Variants in XAF1 observed in about 807,000 individuals in gnomAD.
The protein encoded by XAF1 is XIAP associated factor 1, also known as XIAP-associated factor 1.
XAF1 carries 32 observed loss-of-function variants against 32.3 expected under a neutral mutation model. The observed-to-expected ratio is 0.99, with a 90% CI of 0.75 to 1.33. XAF1 has a LOEUF of 1.33. Among genes scored for constraint, XAF1 ranks in the 40% most tolerant of loss-of-function variants. XAF1 has a pLI of 0.00. For synonymous variants in XAF1, 120 were observed against 125.9 expected, an observed-to-expected ratio of 0.95 and a Z score of 0.31; for missense variants, 379 against 366.0, an observed-to-expected ratio of 1.04 and a Z score of -0.29.
At chr17:6,755,780 G>T, upstream of XAF1, 1 of 1,202,604 alleles carries the variant, frequency 8.3e-7, no homozygotes, top group East Asian at 4.0e-5. Flanking sequence ...CAGGGTGAGG[G>T]AACAAGCTGC....
chr17:6,768,821 T>C (rs1157548441), intron 5 of XAF1, among the ~76,000 whole-genome samples: 1 of 152,216 alleles, frequency 6.6e-6, no homozygotes, highest in African/African-American at 2.4e-5. Context: ...TTTTTATTCA[T>C]TCTGTTCAGA....
intron 5 of XAF1, among the ~76,000 whole-genome samples, chr17:6,768,579 T>A (rs1299392382): frequency 9.2e-5 from 14 of 152,176 alleles, no homozygotes; most frequent in Non-Finnish European, 1.5e-5. Flanking sequence ...GAAAATAAGC[T>A]TTTTGTTTTT....
intron 4 of XAF1, among the ~76,000 whole-genome samples, chr17:6,760,823 C>T (rs1413423715): frequency 2.6e-5 from 4 of 152,210 alleles, no homozygotes; most frequent in South Asian, 2.1e-4. Context: ...ACTAGGAGGC[C>T]GGGGCTAGAG....
At position 6,758,087 on chromosome 17, in the gene XAF1, A is replaced by G; in HGVS notation, c.33-2A>G. On this transcript the variant is annotated splice_acceptor_variant, in intron 1 of 6. Transcript: ENST00000361842. LOFTEE classifies it high-confidence loss of function. ...TTCTATCCCCACACCTTGACCCTGT[A>G]GTAAAAGACATGTAGTCTCTGCCAA... is the stretch of plus-strand genomic sequence containing the variant. The G allele has an allele frequency of 6.2e-7, 1 of 1,614,254 alleles. No homozygotes were observed. Among genetic ancestry groups the G allele is most frequent in the Admixed American group, 1.7e-5 (1 of 60,032 alleles).
chr17:6,771,874 C>G (rs376353997), intron 6 of XAF1: 4 of 152,164 alleles, frequency 2.6e-5, no homozygotes, highest in Non-Finnish European at 5.9e-5. Context: ...TTTGGACAGT[C>G]TTATGGGCAT....
chr17:6,763,912 G>A (rs8068836), intron 5 of XAF1, among the ~76,000 whole-genome samples: 28 of 152,130 alleles, frequency 1.8e-4, no homozygotes, highest in African/African-American at 6.0e-4. Context: ...ATGTTTATTC[G>A]ATCCTATAAG....
At chr17:6,765,674 T>G (rs952470716) in intron 5 of XAF1, among the ~76,000 whole-genome samples, 2 of 152,182 alleles carry the variant, frequency 1.3e-5, no homozygotes, top group Non-Finnish European at 2.9e-5. Context: ...AATCTCAGGT[T>G]CACTCTCGAC....
rs1485127465 is a variant in XAF1, at chr17:6,775,336, TA to T, written c.*2168del. On this transcript the variant is annotated 3_prime_UTR_variant, in exon 7 of 7. Transcript: ENST00000361842. Reference sequence around the variant, plus strand: ...ACTACCTATCTGGTACTATGCTTTTTATCTGGATGATGAAATAATCTGTACA... The same window carrying T: ...ACTACCTATCTGGTACTATGCTTTTTTCTGGATGATGAAATAATCTGTACA... The T allele has an allele frequency of 5.9e-5, 9 of 152,180 alleles. No homozygotes were observed. The highest frequency in any genetic ancestry group is 2.2e-4 in the African/African-American group (9 of 41,454). The allele number at this position is 152,180 out of a possible 1,614,324, so 9.4% of individuals were successfully genotyped here.
chr17:6,761,960 A>T (rs1975238444), intron 4 of XAF1, 195 bp from the exon 5 acceptor site: 7 of 1,527,416 alleles, frequency 4.6e-6, no homozygotes, highest in Non-Finnish European at 6.1e-6. Flanking sequence ...GTGGCCATAA[A>T]GGAAATGATG....
intron 5 of XAF1, among the ~76,000 whole-genome samples, chr17:6,764,507 A>G (rs911890944): frequency 1.3e-5 from 2 of 152,212 alleles, no homozygotes; most frequent in Non-Finnish European, 2.9e-5. Context: ...ATTTCTTACA[A>G]TAACTTTTTA....
chr17:6,762,146 C>T lies in XAF1; in HGVS notation c.422-9C>T, dbSNP rs1975259483. 1.2e-6 allele frequency: 2 copies of T among 1,612,442 alleles called. No homozygotes were observed. Among genetic ancestry groups the T allele is most frequent in the Non-Finnish European group, 1.7e-6 (2 of 1,179,184 alleles). Reference sequence around the variant, plus strand: ...AATCATTTGTGGTGTTGTTTCTCTGCTTATTCAGGGGAAAGAATTTCAGCT... The same window carrying T: ...AATCATTTGTGGTGTTGTTTCTCTGTTTATTCAGGGGAAAGAATTTCAGCT... On this transcript the variant is annotated splice_polypyrimidine_tract_variant and intron_variant, in intron 4 of 6. Transcript: ENST00000361842.
intron 1 of XAF1, among the ~76,000 whole-genome samples, chr17:6,756,692 C>T (rs975971758): frequency 2.6e-5 from 4 of 152,126 alleles, no homozygotes; most frequent in African/African-American, 9.7e-5. Context: ...CCAGACCCTT[C>T]AAGTACTCTG....
intron 1 of XAF1, among the ~76,000 whole-genome samples, chr17:6,756,789 C>T (rs1168984386): frequency 6.6e-6 from 1 of 152,102 alleles, no homozygotes. Flanking sequence ...GATGATGCTG[C>T]CTGTGTGCCC....
chr17:6,758,371 C>T, intron 2 of XAF1, 147 bp downstream of exon 2: 1 of 1,182,574 alleles, frequency 8.5e-7, no homozygotes. Context: ...GGCAAGTGTT[C>T]AGTCCTCTCT....
chr17:6,765,650 G>C (rs1975563293), intron 5 of XAF1, among the ~76,000 whole-genome samples: 1 of 152,120 alleles, frequency 6.6e-6, no homozygotes, highest in African/African-American at 2.4e-5. Context: ...TATCTTTCCA[G>C]TTGTTCAGGC....
chr17:6,759,842 C>T (rs757435302), intron 3 of XAF1, 124 bp downstream of exon 3: 1 of 1,538,720 alleles, frequency 6.5e-7, no homozygotes, highest in South Asian at 1.2e-5. Flanking sequence ...CCCCATTAGG[C>T]TTGGAGAGCA....
chr17:6,759,930 G>A (rs1308703284), intron 3 of XAF1: 4 of 779,386 alleles, frequency 5.1e-6, no homozygotes, highest in Non-Finnish European at 8.0e-6. Flanking sequence ...CATGGTCCAT[G>A]AGTCCATCAG....
intron 6 of XAF1, among the ~76,000 whole-genome samples, chr17:6,772,335 A>G (rs1281227198): frequency 1.3e-5 from 2 of 152,182 alleles, no homozygotes; most frequent in Non-Finnish European, 2.9e-5. Flanking sequence ...TGCTAAAATT[A>G]AAATTTAACC....
Position 6,762,284 on chromosome 17 carries a change from C to T in XAF1, c.507+44C>T, listed in dbSNP as rs764687966. 5 of 1,506,684 alleles carry T rather than the reference C, an allele frequency of 3.3e-6. No individual in the cohort carries two copies. In the East Asian group the frequency reaches 1.1e-4, roughly 34 times the overall value. 93.3% of individuals were successfully genotyped at this position (1,506,684 alleles called of 1,614,324 possible). A position where few individuals can be genotyped will look rare whatever the true frequency, so the allele number is the denominator to read the frequency against. ...TTTTCTAATGGTGCCAATAGTTCAT[C>T]CACATTCTGAAAAGTGTGATAGGAA... On this transcript the variant is annotated intron_variant, in intron 5 of 6. Transcript: ENST00000361842.
Sources: allele counts gnomAD v4.1 joint callset (sites outside exome capture counted in the v4.1 genomes callset), GRCh38; gene constraint gnomAD v4.1.1; transcripts MANE v1.5; gene names NCBI Gene and HGNC (gene_info 2026-07-23, HGNC 2026-07-21).